UFL1: variants seen among roughly 807,000 people sequenced by gnomAD.
The protein encoded by UFL1 is E3 UFM1-protein ligase 1.
A neutral mutation model predicts 99.3 loss-of-function variants in UFL1; 78 were observed. The observed-to-expected ratio is 0.79, with a 90% CI of 0.65 to 0.95. The LOEUF is 0.95. Ranked by LOEUF, UFL1 falls within the 40% of genes least tolerant of loss-of-function variation. UFL1 has a pLI of 0.00. For synonymous variants in UFL1, 335 were observed against 322.2 expected, an observed-to-expected ratio of 1.04 and a Z score of -0.42; for missense variants, 936 against 937.0, an observed-to-expected ratio of 1.00 and a Z score of 0.01.
intron 7 of UFL1, among the ~76,000 whole-genome samples, 179 bp from the exon 8 acceptor site, chr6:96,536,065 A>G (rs1562253228): frequency 6.6e-6 from 1 of 152,064 alleles, no homozygotes. Context: ...TGTTTTGAAT[A>G]TTCTCATAAA....
Position 96,540,675 on chromosome 6 carries a change from G to A in UFL1, c.1279+20G>A. On this transcript the variant is annotated intron_variant, in intron 11 of 18. Coordinates refer to ENST00000369278, the MANE Select transcript of UFL1 (RefSeq NM_015323.5). ...CAACAGGTAATAAATTGTTAACAAGGAATATTCAAAGTTTTGTATTTGTTG... is the reference window on the plus strand; with the variant it reads ...CAACAGGTAATAAATTGTTAACAAGAAATATTCAAAGTTTTGTATTTGTTG... 3 of 1,587,676 alleles carry A rather than the reference G, an allele frequency of 1.9e-6. No individual in the cohort carries two copies. The highest frequency in any genetic ancestry group is 2.3e-5 in the East Asian group (1 of 44,168).
At chr6:96,548,505 C>T (rs1210097705) in intron 13 of UFL1, among the ~76,000 whole-genome samples, 1 of 151,498 alleles carries the variant, frequency 6.6e-6, no homozygotes, top group African/African-American at 2.4e-5. Context: ...AAATAAAAGG[C>T]AGGAGCGAGA....
In UFL1 at chr6:96,554,355, GA is replaced by G. The variant is rs1054011831; in HGVS notation, c.*857del. 2 of 152,138 alleles carry G rather than the reference GA, an allele frequency of 1.3e-5. No individual in the cohort carries two copies. The highest frequency in any genetic ancestry group is 6.6e-5 in the Admixed American group (1 of 15,262). 9.4% of individuals were successfully genotyped at this position (152,138 alleles called of 1,614,324 possible). ...CATAATACTTTGTAAATACTAGTGT[GA>G]AAAACAGATAGGATGCCTTTTCCAG... On this transcript the variant is annotated 3_prime_UTR_variant, in exon 19 of 19. Transcript: ENST00000369278.
intron 8 of UFL1, among the ~76,000 whole-genome samples, chr6:96,536,699 T>A (rs1769859194): frequency 6.6e-6 from 1 of 151,764 alleles, no homozygotes; most frequent in African/African-American, 2.4e-5. Flanking sequence ...TAGTAATCGC[T>A]GCCAATCTTT....
At chr6:96,548,142 C>A in intron 12 of UFL1, 22 bp from the exon 13 acceptor site, 4 of 1,447,328 alleles carry the variant, frequency 2.8e-6, no homozygotes, top group Non-Finnish European at 2.8e-6. Flanking sequence ...TATTTATTTG[C>A]CATTGCTCAT....
At chr6:96,542,127 TGTAGA>T (rs1769939188) in intron 11 of UFL1, among the ~76,000 whole-genome samples, 1 of 151,360 alleles carries the variant, frequency 6.6e-6, no homozygotes, top group African/African-American at 2.4e-5. Context: ...TATTCCATTT[TGTAGA>T]GTAGATATTT....
At chr6:96,549,374 A>T in intron 13 of UFL1, 38 bp from the exon 14 acceptor site, 1 of 1,514,508 alleles carries the variant, frequency 6.6e-7, no homozygotes, top group Non-Finnish European at 8.9e-7. Context: ...AATACTCAGT[A>T]CATTTTAATA....
At chr6:96,526,210 T>G in intron 4 of UFL1, 111 bp from the exon 5 acceptor site, 3 of 787,462 alleles carry the variant, frequency 3.8e-6, no homozygotes, top group Non-Finnish European at 6.2e-6. Flanking sequence ...ACACACACAT[T>G]TCATTACTTT....
Position 96,549,414 on chromosome 6 carries a change from C to A in UFL1, c.1523C>A (p.Pro508His). The A allele has an allele frequency of 6.3e-7, 1 of 1,593,224 alleles. No homozygotes were observed. Among genetic ancestry groups the A allele is most frequent in the Non-Finnish European group, 8.5e-7 (1 of 1,173,934 alleles). Residue 508 changes from proline to histidine, a missense_variant and splice_region_variant, in exon 14 of 19, where the codon CCT becomes CAT. Pro to His is a moderately conservative substitution (Grantham distance 77). Coordinates refer to ENST00000369278, the MANE Select transcript of UFL1 (RefSeq NM_015323.5). Reference sequence around the variant, plus strand: ...AAATATATTTGTCTTATGCACAGACCTCTTAATAAAACTTATCTCGAGGTG... The same window carrying A: ...AAATATATTTGTCTTATGCACAGACATCTTAATAAAACTTATCTCGAGGTG... ...ISELAEYLIK[P>H]LNKTYLEVVR...
chr6:96,544,429 T>C (rs369365558), intron 12 of UFL1, among the ~76,000 whole-genome samples: 1 of 150,872 alleles, frequency 6.6e-6, no homozygotes, highest in South Asian at 2.1e-4. Context: ...TAAATGATAA[T>C]AGATTGAGAT....
At chr6:96,534,145 CTTTAT>C (rs1769821310) in intron 6 of UFL1, 113 bp from the exon 7 acceptor site, 1 of 620,350 alleles carries the variant, frequency 1.6e-6, no homozygotes. Flanking sequence ...TAATTTTTGA[CTTTAT>C]TTTTTCTTTT....
intron 12 of UFL1, among the ~76,000 whole-genome samples, chr6:96,544,607 G>A (rs1769975863): frequency 6.6e-6 from 1 of 150,796 alleles, no homozygotes; most frequent in Admixed American, 6.6e-5. Context: ...AATAACTACT[G>A]TTCTTCATGT....
intron 12 of UFL1, among the ~76,000 whole-genome samples, chr6:96,547,740 C>T (rs1770019918): frequency 6.6e-6 from 1 of 150,930 alleles, no homozygotes; most frequent in Admixed American, 6.7e-5. Context: ...CATGTTCTCA[C>T]TTATAAATGG....
chr6:96,526,726 A>G (rs1263633020), intron 5 of UFL1, among the ~76,000 whole-genome samples: 1 of 152,218 alleles, frequency 6.6e-6, no homozygotes. Flanking sequence ...CAAATGTACA[A>G]TAAATGCATG....
rs186831003 is a variant in UFL1, at chr6:96,529,292, T to G, written c.596+660T>G. ...TATGCCCTATCAGCATTTAAATATG[T>G]CCAAAAGTCTCCCATTTTAAAACAA... is the stretch of plus-strand genomic sequence containing the variant. On this transcript the variant is annotated intron_variant, in intron 6 of 18. Coordinates refer to ENST00000369278, the MANE Select transcript of UFL1 (RefSeq NM_015323.5). Among the ~76,000 whole-genome samples, 202 of 152,280 alleles carry G rather than the reference T, an allele frequency of 1.3e-3. 1 individual carries two copies. Among genetic ancestry groups the G allele is most frequent in the Non-Finnish European group, 2.2e-3 (153 of 68,018 alleles).
At chr6:96,542,133 G>C (rs1296964660) in intron 11 of UFL1, among the ~76,000 whole-genome samples, 2 of 151,198 alleles carry the variant, frequency 1.3e-5, no homozygotes, top group Non-Finnish European at 3.0e-5. Context: ...ATTTTGTAGA[G>C]TAGATATTTT....
Position 96,551,895 on chromosome 6 carries a change from G to A in UFL1, c.1957G>A (p.Val653Met), listed in dbSNP as rs1267412880. ...TGCAGCAGAAGCTTGTGATATTATG[G>A]TGAAAAGGGGAGACAAAAAAAGGGA... ...DSAAEACDIM[V>M]KRGDKKRERQ... Residue 653 changes from valine to methionine, a missense_variant, in exon 17 of 19, where the codon GTG (valine) becomes ATG (methionine). Val to Met is a conservative substitution (Grantham distance 21, BLOSUM62 1). Transcript: ENST00000369278. 3.1e-6 allele frequency: 5 copies of A among 1,608,840 alleles called. No individual in the cohort carries two copies. Among genetic ancestry groups the A allele is most frequent in the Non-Finnish European group, 4.2e-6 (5 of 1,176,748 alleles).
At chr6:96,546,253 T>G (rs1246581973) in intron 12 of UFL1, among the ~76,000 whole-genome samples, 1 of 147,846 alleles carries the variant, frequency 6.8e-6, no homozygotes, top group Non-Finnish European at 1.5e-5. Flanking sequence ...AATCAAGAAC[T>G]CAGTCTTATT....
At chr6:96,534,397 GT>G in intron 7 of UFL1, 76 bp downstream of exon 7, 1 of 1,165,852 alleles carries the variant, frequency 8.6e-7, no homozygotes, top group Non-Finnish European at 1.2e-6. Context: ...TAACTTTAAT[GT>G]TTTTTCCTCT....
Sources: allele counts gnomAD v4.1 joint callset (sites outside exome capture counted in the v4.1 genomes callset), GRCh38; gene constraint gnomAD v4.1.1; transcripts MANE v1.5; gene names NCBI Gene and HGNC (gene_info 2026-07-23, HGNC 2026-07-21).